PHACTR3: variants seen among roughly 807,000 people sequenced by gnomAD.
PHACTR3 encodes phosphatase and actin regulator 3, also known as protein phosphatase 1, regulatory subunit 123.
A neutral mutation model predicts 66.8 loss-of-function variants in PHACTR3; 16 were observed. That is an observed-to-expected ratio of 0.24 (90% CI 0.16 to 0.36). PHACTR3 has a LOEUF of 0.36. Ranked by LOEUF, PHACTR3 falls within the 10% of genes least tolerant of loss-of-function variation. The pLI is 1.00. For synonymous variants in PHACTR3, 323 were observed against 292.1 expected, an observed-to-expected ratio of 1.11 and a Z score of -1.08; for missense variants, 647 against 719.9, an observed-to-expected ratio of 0.90 and a Z score of 1.16.
intron 1 of PHACTR3, chr20:59,577,693 G>T: frequency 1.0e-6 from 1 of 986,140 alleles, no homozygotes; most frequent in Admixed American, 4.8e-5. Context: ...GCTGGGGGAC[G>T]ACTCCTCCTG....
chr20:59,624,389 A>G (rs575123088), intron 1 of PHACTR3, among the ~76,000 whole-genome samples: 17 of 152,198 alleles, frequency 1.1e-4, no homozygotes, highest in African/African-American at 3.9e-4. Context: ...GGTCTTGTCT[A>G]TGCAGCATGC....
chr20:59,615,689 C>T (rs1273699640), intron 1 of PHACTR3, among the ~76,000 whole-genome samples: 1 of 152,176 alleles, frequency 6.6e-6, no homozygotes, highest in Non-Finnish European at 1.5e-5. Context: ...CCTTCTTGGA[C>T]CTGCAGTCTA....
At chr20:59,675,542 G>T (rs1201401123) in intron 1 of PHACTR3, among the ~76,000 whole-genome samples, 3 of 152,192 alleles carry the variant, frequency 2.0e-5, no homozygotes, top group African/African-American at 4.8e-5. Context: ...CCCTGCCTGG[G>T]TTCAGATGGT....
intron 1 of PHACTR3, among the ~76,000 whole-genome samples, chr20:59,661,405 G>A (rs940428533): frequency 3.3e-5 from 5 of 152,150 alleles, no homozygotes; most frequent in Non-Finnish European, 2.9e-5. Flanking sequence ...GCACGTCTCA[G>A]AGGCTGCATC....
intron 1 of PHACTR3, among the ~76,000 whole-genome samples, chr20:59,668,831 GC>G (rs1398603108): frequency 6.6e-6 from 1 of 151,192 alleles, no homozygotes; most frequent in African/African-American, 2.4e-5. Context: ...CTCCCAAGTA[GC>G]TGGAACTACA....
At chr20:59,752,640 A>G (rs2146809960) in intron 3 of PHACTR3, among the ~76,000 whole-genome samples, 1 of 145,530 alleles carries the variant, frequency 6.9e-6, no homozygotes, top group Non-Finnish European at 1.5e-5. Context: ...TGCTTTTCTG[A>G]GTCTGGAGAC....
intron 1 of PHACTR3, chr20:59,577,645 C>T: frequency 8.4e-7 from 1 of 1,197,514 alleles, no homozygotes; most frequent in Non-Finnish European, 1.0e-6. Flanking sequence ...GGAGGGGACG[C>T]GGGACGTGGG....
Position 59,793,757 on chromosome 20 carries a change from C to G in PHACTR3, c.1175-12284C>G, listed in dbSNP as rs185211603. Among the ~76,000 whole-genome samples the G allele has an allele frequency of 5.7e-4, 87 of 151,566 alleles. No homozygotes were observed. The East Asian group carries it at 0.016, about 28-fold the overall frequency. On this transcript the variant is annotated intron_variant, in intron 7 of 12. Transcript: ENST00000371015. Reference sequence around the variant, plus strand: ...TAGCTTTTCCTTTCTAATTTGGATGCCTTTTTTTTTTCTGTAGCCTAATTG... The same window carrying G: ...TAGCTTTTCCTTTCTAATTTGGATGGCTTTTTTTTTTCTGTAGCCTAATTG...
chr20:59,827,867 G>A (rs1568862199), intron 8 of PHACTR3, among the ~76,000 whole-genome samples: 2 of 152,140 alleles, frequency 1.3e-5, no homozygotes, highest in Non-Finnish European at 2.9e-5. Flanking sequence ...TGGAGTTGAA[G>A]TTGCCCTGCC....
Position 59,736,863 on chromosome 20 carries a change from G to A in PHACTR3, c.119-6244G>A, listed in dbSNP as rs1284845476. ...GCCACCCCAGGGAAGGCAGAGGGGAGAGGGAATTTCCTCCCAAGGGGGATG... is the reference window on the plus strand; with the variant it reads ...GCCACCCCAGGGAAGGCAGAGGGGAAAGGGAATTTCCTCCCAAGGGGGATG... On this transcript the variant is annotated intron_variant, in intron 1 of 12. Transcript: ENST00000371015. The surrounding 1 kb of genome is among the most constrained non-coding windows in gnomAD (Gnocchi z 4.6). 6.6e-6 allele frequency among the ~76,000 whole-genome samples: 1 copy of A among 152,148 alleles called. No individual in the cohort carries two copies. Among genetic ancestry groups the A allele is most frequent in the Non-Finnish European group, 1.5e-5 (1 of 68,006 alleles).
At chr20:59,817,741 A>G (rs1049935331) in intron 8 of PHACTR3, among the ~76,000 whole-genome samples, 10 of 152,210 alleles carry the variant, frequency 6.6e-5, no homozygotes. Flanking sequence ...AATTTCCAAG[A>G]GAAACCGAAG....
At chr20:59,664,468 C>T (rs930145745) in intron 1 of PHACTR3, among the ~76,000 whole-genome samples, 9 of 152,148 alleles carry the variant, frequency 5.9e-5, no homozygotes, top group African/African-American at 1.9e-4. Context: ...CTTCTCGTAG[C>T]CGTTTCCTGG....
chr20:59,722,850 G>A (rs1040978823), intron 1 of PHACTR3, among the ~76,000 whole-genome samples: 1 of 151,736 alleles, frequency 6.6e-6, no homozygotes, highest in African/African-American at 2.4e-5. Flanking sequence ...GTGGTGGTGA[G>A]CACCGCAGCT....
intron 1 of PHACTR3, among the ~76,000 whole-genome samples, chr20:59,730,367 G>T (rs1323346268): frequency 6.6e-6 from 1 of 152,178 alleles, no homozygotes; most frequent in African/African-American, 2.4e-5. Flanking sequence ...CACTTAATGA[G>T]CGAGGAGGGC....
chr20:59,818,207 C>T (rs966673767), intron 8 of PHACTR3, among the ~76,000 whole-genome samples: 1 of 152,158 alleles, frequency 6.6e-6, no homozygotes, highest in African/African-American at 2.4e-5. Flanking sequence ...TGCAGTTTTC[C>T]AGCATGTGGG....
At chr20:59,587,113 T>C (rs1234615551) in intron 1 of PHACTR3, among the ~76,000 whole-genome samples, 2 of 152,216 alleles carry the variant, frequency 1.3e-5, no homozygotes, top group East Asian at 1.9e-4. Flanking sequence ...GAAAAGAGCC[T>C]TTCCCTGTAG....
chr20:59,697,463 G>A (rs1341809791), intron 1 of PHACTR3, among the ~76,000 whole-genome samples: 1 of 152,186 alleles, frequency 6.6e-6, no homozygotes, highest in Admixed American at 6.5e-5. Flanking sequence ...GTCAAAGGAT[G>A]ACTGAGGGGG....
At chr20:59,698,526 C>T (rs2037383055) in intron 1 of PHACTR3, among the ~76,000 whole-genome samples, 1 of 152,058 alleles carries the variant, frequency 6.6e-6, no homozygotes, top group Non-Finnish European at 1.5e-5. Flanking sequence ...CTTCAATACC[C>T]TCCAGTTTTG....
chr20:59,662,648 C>A (rs894385801), intron 1 of PHACTR3, among the ~76,000 whole-genome samples: 2 of 151,944 alleles, frequency 1.3e-5, no homozygotes, highest in South Asian at 4.2e-4. Flanking sequence ...TAGGGAGTGA[C>A]ATGATTTGAT....
Sources: allele counts gnomAD v4.1 joint callset (sites outside exome capture counted in the v4.1 genomes callset), GRCh38; gene constraint gnomAD v4.1.1; non-coding constraint Gnocchi (gnomAD v3.1); transcripts MANE v1.5; gene names NCBI Gene and HGNC (gene_info 2026-07-23, HGNC 2026-07-21).